CLIC5: variants seen among roughly 807,000 people sequenced by gnomAD.
CLIC5 encodes CLIC family member 5, also known as chloride intracellular channel protein 5.
CLIC5 carries 20 observed loss-of-function variants against 24.7 expected under a neutral mutation model. That is an observed-to-expected ratio of 0.81 (90% CI 0.57 to 1.18). CLIC5 has a LOEUF of 1.18. Among genes scored for constraint, CLIC5 ranks in the 50% most tolerant of loss-of-function variants. The probability of loss-of-function intolerance (pLI) is 0.00; values close to 1 mark genes in which losing one functional copy is unlikely to be tolerated. For missense variants in CLIC5, 341 were observed against 326.1 expected (o/e 1.05, Z -0.35); for synonymous variants, 159 against 135.6 (o/e 1.17, Z -1.20).
At chr6:45,991,621 C>G (rs1451681024) in intron 1 of CLIC5, among the ~76,000 whole-genome samples, 3 of 152,066 alleles carry the variant, frequency 2.0e-5, no homozygotes, top group African/African-American at 7.2e-5. Flanking sequence ...ACTAATATAC[C>G]CCTATTTCTG....
chr6:45,993,209 T>C (rs905284762), intron 1 of CLIC5, among the ~76,000 whole-genome samples: 27 of 152,174 alleles, frequency 1.8e-4, no homozygotes, highest in African/African-American at 6.5e-4. Context: ...ATCTAATTGT[T>C]CATAAGAGGA....
chr6:46,094,768 C>A, the CLIC5 span, among the ~76,000 whole-genome samples: 1 of 152,128 alleles, frequency 6.6e-6, no homozygotes, highest in Admixed American at 6.5e-5. Flanking sequence ...CTCTACCATT[C>A]TGGGGTTTGG....
At chr6:46,019,040 C>A (rs139859834), upstream of CLIC5, among the ~76,000 whole-genome samples, 212 of 150,984 alleles carry the variant, frequency 1.4e-3, no homozygotes, top group African/African-American at 4.9e-3. Context: ...GTATTGTAAT[C>A]CCTAAAGAAA....
chr6:46,045,070 C>G (rs1316142230), intron 1 of CLIC5, among the ~76,000 whole-genome samples: 1 of 152,106 alleles, frequency 6.6e-6, no homozygotes, highest in Middle Eastern at 3.2e-3. Flanking sequence ...CCACCACACC[C>G]GCTCTCCTCT....
At chr6:45,933,017 G>A (rs1009020363) in intron 4 of CLIC5, among the ~76,000 whole-genome samples, 5 of 152,174 alleles carry the variant, frequency 3.3e-5, no homozygotes, top group Non-Finnish European at 5.9e-5. Flanking sequence ...ACTCACTGAG[G>A]TTCCTAGAAT....
intron 1 of CLIC5, among the ~76,000 whole-genome samples, chr6:45,971,763 G>T (rs1765208947): frequency 6.6e-6 from 1 of 152,114 alleles, no homozygotes; most frequent in Non-Finnish European, 1.5e-5. Context: ...AGCATTATTT[G>T]GTGATGACAT....
intron 1 of CLIC5, among the ~76,000 whole-genome samples, chr6:46,029,842 C>A (rs1471733500): frequency 6.6e-6 from 1 of 152,186 alleles, no homozygotes; most frequent in African/African-American, 2.4e-5. Context: ...TCCCATTCAA[C>A]AGTAAAGAAT....
intron 1 of CLIC5, among the ~76,000 whole-genome samples, chr6:46,040,311 G>T (rs187648139): frequency 3.3e-5 from 5 of 152,260 alleles, no homozygotes; most frequent in Non-Finnish European, 5.9e-5. Context: ...TTGATTTGTT[G>T]CTCATAGTGT....
intron 1 of CLIC5, among the ~76,000 whole-genome samples, chr6:46,001,169 A>G (rs549383667): frequency 2.0e-4 from 30 of 152,234 alleles, no homozygotes; most frequent in African/African-American, 7.0e-4. Flanking sequence ...TGGGAGAGGA[A>G]CCAGAAGAGA....
At chr6:45,911,697 T>G (rs1439104500) in intron 5 of CLIC5, 2 of 985,384 alleles carry the variant, frequency 2.0e-6, no homozygotes, top group Non-Finnish European at 2.4e-6. Context: ...GAAATGCAAT[T>G]TGTAAATATA....
intron 1 of CLIC5, among the ~76,000 whole-genome samples, chr6:46,013,734 G>A (rs1292272783): frequency 6.6e-6 from 1 of 152,158 alleles, no homozygotes; most frequent in Non-Finnish European, 1.5e-5. Flanking sequence ...CTAGGAGTGG[G>A]GCAAAGGGCT....
chr6:46,087,399 A>G, the CLIC5 span, among the ~76,000 whole-genome samples: 29 of 152,308 alleles, frequency 1.9e-4, no homozygotes, highest in Non-Finnish European at 2.8e-4. Context: ...CCATTACACC[A>G]AAACAATATG....
At chr6:46,047,404 G>A (rs1440469391) in intron 1 of CLIC5, among the ~76,000 whole-genome samples, 2 of 152,138 alleles carry the variant, frequency 1.3e-5, no homozygotes, top group Non-Finnish European at 2.9e-5. Context: ...GTATCCTATG[G>A]CATCAGCACC....
At chr6:46,062,367 T>C (rs1762309050) in intron 1 of CLIC5, among the ~76,000 whole-genome samples, 1 of 152,282 alleles carries the variant, frequency 6.6e-6, no homozygotes. Context: ...GTTTACTTTG[T>C]GGTTGTTATC....
intron 3 of CLIC5, among the ~76,000 whole-genome samples, chr6:45,944,549 C>CAAAAA (rs773971605): frequency 6.5e-5 from 4 of 61,370 alleles, no homozygotes; most frequent in Admixed American, 1.6e-4. Flanking sequence ...GGCTTCTCAC[C>CAAAAA]AAAAAAAAAA....
At chr6:45,923,536 A>T (rs190801221) in intron 4 of CLIC5, among the ~76,000 whole-genome samples, 13 of 152,326 alleles carry the variant, frequency 8.5e-5, no homozygotes, top group African/African-American at 2.4e-4. Context: ...ATATCCTACA[A>T]ATTCTCTTCC....
chr6:46,036,512 A>G (rs751774858), intron 1 of CLIC5, among the ~76,000 whole-genome samples: 2 of 151,944 alleles, frequency 1.3e-5, no homozygotes, highest in Non-Finnish European at 1.5e-5. Context: ...GGGTTTCACC[A>G]TGTTAGCCAG....
chr6:46,040,432 G>T (rs1446318526), intron 1 of CLIC5, among the ~76,000 whole-genome samples: 1 of 152,118 alleles, frequency 6.6e-6, no homozygotes, highest in African/African-American at 2.4e-5. Context: ...GGTGGTAATG[G>T]TAGCGGAACA....
At chr6:45,914,136 C>T in intron 5 of CLIC5, 92 bp downstream of exon 5, 1 of 1,038,738 alleles carries the variant, frequency 9.6e-7, no homozygotes, top group Non-Finnish European at 1.3e-6. Context: ...TCTTGACCAA[C>T]AGGTGGTACT....
Sources: gnomAD v4.1 joint callset for allele counts (sites outside exome capture counted in the v4.1 genomes callset) on GRCh38, gnomAD v4.1.1 for gene constraint, MANE v1.5 for transcripts, NCBI Gene and HGNC (gene_info 2026-07-23, HGNC 2026-07-21) for gene names.